MTR: variants seen among roughly 807,000 people sequenced by gnomAD.
MTR encodes the protein methionine synthase.
Under a neutral mutation model 154.8 loss-of-function variants are expected in MTR, and 84 were observed. The observed-to-expected ratio is 0.54, with a 90% CI of 0.45 to 0.65. The LOEUF (loss-of-function observed/expected upper bound fraction) is 0.65. MTR is among the 30% of genes least tolerant of loss of function. The probability of loss-of-function intolerance (pLI) is 0.00; values close to 1 mark genes in which losing one functional copy is unlikely to be tolerated. For missense variants in MTR, 1,275 were observed against 1,570.2 expected (o/e 0.81, Z 3.18); for synonymous variants, 554 against 553.9 (o/e 1.00, Z 0.00).
intron 20 of MTR, among the ~76,000 whole-genome samples, chr1:236,861,956 G>C (rs1664571392): frequency 6.6e-6 from 1 of 152,150 alleles, no homozygotes; most frequent in Admixed American, 6.5e-5. Flanking sequence ...AAAAGATAGA[G>C]GGCCTCCTAG....
intron 24 of MTR, 119 bp downstream of exon 24, chr1:236,874,965 G>C (rs144125442): frequency 1.7e-6 from 2 of 1,162,788 alleles, no homozygotes; most frequent in Non-Finnish European, 2.5e-6. Flanking sequence ...TTGACTTTTT[G>C]TTATATAAAC....
At chr1:236,881,967 A>G (rs1665760390) in intron 25 of MTR, among the ~76,000 whole-genome samples, 1 of 152,180 alleles carries the variant, frequency 6.6e-6, no homozygotes, top group South Asian at 2.1e-4. Flanking sequence ...TGGGATTTGA[A>G]TGCAGGTTAT....
intron 13 of MTR, among the ~76,000 whole-genome samples, chr1:236,834,931 G>A (rs925520078): frequency 6.6e-6 from 1 of 152,136 alleles, no homozygotes. Context: ...GCCTTCCAGT[G>A]TTATAAAAAC....
chr1:236,881,063 G>A (rs1452123718), intron 25 of MTR, among the ~76,000 whole-genome samples: 1 of 152,176 alleles, frequency 6.6e-6, no homozygotes, highest in Non-Finnish European at 1.5e-5. Flanking sequence ...CAGCAGACAG[G>A]TAGATGGCCT....
At chr1:236,895,286 G>C (rs976408062) in intron 30 of MTR, 72 bp from the exon 31 acceptor site, 6 of 1,502,806 alleles carry the variant, frequency 4.0e-6, no homozygotes, top group Middle Eastern at 1.7e-4. Context: ...TTCTAATTCA[G>C]GGGGTGGAGG....
rs1558339384 is a variant in MTR, at chr1:236,886,363, C to T, written c.2847C>T (p.His949=). Residue 949 remains histidine, a synonymous_variant, in exon 27 of 33, where the codon CAC becomes CAT. Coordinates refer to ENST00000366577, the MANE Select transcript of MTR (RefSeq NM_000254.3). ...AAATGGATTGGCTGTCTGAACCTCACCCAGGTCTGTTTGGCTATGGACTAG... is the reference window on the plus strand; with the variant it reads ...AAATGGATTGGCTGTCTGAACCTCATCCAGGTCTGTTTGGCTATGGACTAG... ...GFQMDWLSEP[H]PVKPTFIGTQ... 8 of 1,614,048 alleles carry T rather than the reference C, an allele frequency of 5.0e-6. No homozygotes were observed. The East Asian group carries it at 1.6e-4, about 31-fold the overall frequency.
At chr1:236,894,637 A>T in intron 30 of MTR, 80 bp downstream of exon 30, 2 of 1,396,228 alleles carry the variant, frequency 1.4e-6, no homozygotes, top group Non-Finnish European at 1.0e-6. Context: ...CTGAAGACTG[A>T]TCAGCCCTTA....
At chr1:236,873,014 C>T (rs903685550) in intron 22 of MTR, among the ~76,000 whole-genome samples, 1 of 152,132 alleles carries the variant, frequency 6.6e-6, no homozygotes, top group African/African-American at 2.4e-5. Context: ...ATTGCTTATG[C>T]AAAAAGCTGA....
chr1:236,835,649 T>G lies in MTR; in HGVS notation c.1291T>G (p.Phe431Val), dbSNP rs772174532. The stretch of plus-strand genomic sequence containing the variant: ...AGATGGTCCAAGTGCAATGACCAGA[T>G]TTTGCAACTTAATTGCTTCCGAGCC... ...MLDGPSAMTR[F>V]CNLIASEPDI... The change falls in exon 14 of 33, where the codon TTT becomes GTT. Residue 431 changes from phenylalanine to valine, a missense_variant. Coordinates refer to ENST00000366577, the MANE Select transcript of MTR (RefSeq NM_000254.3). 2.5e-5 allele frequency: 41 copies of G among 1,611,448 alleles called. No individual in the cohort carries two copies. The highest frequency in any genetic ancestry group is 3.3e-5 in the Non-Finnish European group (39 of 1,179,540).
At position 236,856,114 on chromosome 1, in the gene MTR, CAT is replaced by C. The variant is rs553372760; in HGVS notation, c.1953+3031_1953+3032del. On this transcript the variant is annotated intron_variant, in intron 18 of 32. Coordinates refer to ENST00000366577, the MANE Select transcript of MTR (RefSeq NM_000254.3). ...AGCCTCTTTTGCCTCTGTCCATAAT[CAT>C]ATATTTTTTGCTCCCTTCCCACCCC... 3.2e-3 allele frequency among the ~76,000 whole-genome samples: 483 copies of C among 152,246 alleles called. 3 individuals carry two copies. Among genetic ancestry groups the C allele is most frequent in the African/African-American group, 0.011 (442 of 41,516 alleles).
intron 6 of MTR, among the ~76,000 whole-genome samples, chr1:236,813,529 C>T (rs1161259655): frequency 1.3e-5 from 2 of 152,218 alleles, no homozygotes; most frequent in African/African-American, 4.8e-5. Context: ...TCACGACACC[C>T]TCACTAGCAC....
chr1:236,812,395 CG>C, intron 5 of MTR, among the ~76,000 whole-genome samples: 1 of 152,296 alleles, frequency 6.6e-6, no homozygotes, highest in South Asian at 2.1e-4. Context: ...ATCTCTTAAC[CG>C]GTTGATTGAA....
chr1:236,880,505 T>G (rs190893920), intron 24 of MTR, among the ~76,000 whole-genome samples: 74 of 152,328 alleles, frequency 4.9e-4, no homozygotes, highest in Admixed American at 4.8e-3. Context: ...CTCAGTCCCT[T>G]GTTAACGGAG....
intron 26 of MTR, 110 bp downstream of exon 26, chr1:236,885,329 A>G: frequency 1.4e-6 from 1 of 738,558 alleles, no homozygotes; most frequent in Non-Finnish European, 2.4e-6. Flanking sequence ...AAGGCTTTGG[A>G]TCATTTTAGA....
At position 236,898,643 on chromosome 1, in the gene MTR, G is replaced by A. The variant is rs1001960240; in HGVS notation, c.*999G>A. ...TTAGCCAGGATGGTCTTGATCTCCC[G>A]ACCTCGTGATCTGCCCACCTCAGCC... is the stretch of plus-strand genomic sequence containing the variant. On this transcript the variant is annotated 3_prime_UTR_variant, in exon 33 of 33. Transcript: ENST00000366577. 1 of 152,022 alleles carries A rather than the reference G, an allele frequency of 6.6e-6. No individual in the cohort carries two copies. The highest frequency in any genetic ancestry group is 1.5e-5 in the Non-Finnish European group (1 of 68,032). The allele number at this position is 152,022 out of a possible 1,614,324, so 9.4% of individuals were successfully genotyped here.
rs1298246570 is a variant in MTR, at chr1:236,898,434, C to T, written c.*790C>T. 6.7e-6 allele frequency: 1 copy of T among 149,136 alleles called. No individual in the cohort carries two copies. Among genetic ancestry groups the T allele is most frequent in the East Asian group, 2.0e-4 (1 of 5,048 alleles). 9.2% of individuals were successfully genotyped at this position (149,136 alleles called of 1,614,324 possible). On this transcript the variant is annotated 3_prime_UTR_variant, in exon 33 of 33. Coordinates refer to ENST00000366577, the MANE Select transcript of MTR (RefSeq NM_000254.3). ...TTTTTTTTTGAGACAGAGTCTGGCT[C>T]TGTCGCCCAGGCTGGAGTGCAGGGG... is the stretch of plus-strand genomic sequence containing the variant.
chr1:236,887,114 CAG>C (rs1249996574), intron 27 of MTR, among the ~76,000 whole-genome samples: 3 of 152,092 alleles, frequency 2.0e-5, no homozygotes, highest in African/African-American at 7.2e-5. Context: ...ATAGAGTGAA[CAG>C]GGGTTATATT....
intron 18 of MTR, among the ~76,000 whole-genome samples, chr1:236,854,733 C>T (rs1040679619): frequency 2.6e-5 from 4 of 152,156 alleles, no homozygotes; most frequent in African/African-American, 9.6e-5. Flanking sequence ...TTTGTAAGAC[C>T]GTTCCCATTT....
In MTR at chr1:236,835,596, T is replaced by C; in HGVS notation, c.1238T>C (p.Leu413Ser). The C allele has an allele frequency of 3.1e-6, 5 of 1,611,194 alleles. No individual in the cohort carries two copies. Among genetic ancestry groups the C allele is most frequent in the Non-Finnish European group, 4.2e-6 (5 of 1,179,502 alleles). ...CAGGTGGAAATGGGAGCCCAGGTGTTGGATGTCAACATGGATGATGGCATG... is the reference window on the plus strand; with the variant it reads ...CAGGTGGAAATGGGAGCCCAGGTGTCGGATGTCAACATGGATGATGGCATG... ...KVQVEMGAQV[L>S]DVNMDDGMLD... Residue 413 changes from leucine to serine, a missense_variant, in exon 14 of 33, where the codon TTG becomes TCG. Transcript: ENST00000366577.
Sources: allele counts gnomAD v4.1 joint callset (sites outside exome capture counted in the v4.1 genomes callset), GRCh38; gene constraint gnomAD v4.1.1; transcripts MANE v1.5; gene names NCBI Gene and HGNC (gene_info 2026-07-23, HGNC 2026-07-21).